Variants in TCF12 observed in about 807,000 individuals in gnomAD.
TCF12 encodes DNA-binding protein HTF4.
A neutral mutation model predicts 86.0 loss-of-function variants in TCF12; 45 were observed. The observed-to-expected ratio is 0.52, with a 90% confidence interval of 0.41 to 0.67. The LOEUF (loss-of-function observed/expected upper bound fraction) is 0.67, where lower values mean the gene tolerates loss of function less well. Among genes scored for constraint, TCF12 ranks in the 30% least tolerant of loss-of-function variants. TCF12 has a pLI of 0.00. For synonymous variants in TCF12, 330 were observed against 299.6 expected (o/e 1.10, Z -1.05); for missense variants, 881 against 859.9 (o/e 1.02, Z -0.31).
chr15:57,172,186 G>T (rs1233748737), intron 6 of TCF12, among the ~76,000 whole-genome samples: 1 of 152,050 alleles, frequency 6.6e-6, no homozygotes, highest in African/African-American at 2.4e-5. Flanking sequence ...GTATCAGAAA[G>T]ACATAACAAT....
At chr15:57,077,735 C>G (rs1197902233) in intron 4 of TCF12, among the ~76,000 whole-genome samples, 3 of 124,864 alleles carry the variant, frequency 2.4e-5, no homozygotes, top group African/African-American at 8.1e-5. Flanking sequence ...CCTGGCGGAT[C>G]TGTAGTTTTT....
At chr15:57,249,454 C>G (rs1158189973) in intron 13 of TCF12, among the ~76,000 whole-genome samples, 1 of 151,064 alleles carries the variant, frequency 6.6e-6, no homozygotes, top group Non-Finnish European at 1.5e-5. Flanking sequence ...TTTTTTCTCA[C>G]AATTTTAGTA....
chr15:56,995,270 G>GC (rs1491182742), intron 3 of TCF12, among the ~76,000 whole-genome samples: 3 of 29,636 alleles, frequency 1.0e-4, no homozygotes, highest in Non-Finnish European at 1.9e-4. Flanking sequence ...GCTTAGGATT[G>GC]CTTTGGCTAT....
intron 3 of TCF12, among the ~76,000 whole-genome samples, chr15:57,049,391 C>G (rs759302776): frequency 6.6e-6 from 1 of 152,194 alleles, no homozygotes; most frequent in Non-Finnish European, 1.5e-5. Context: ...CTTACCTACT[C>G]CAAACAACCA....
intron 3 of TCF12, among the ~76,000 whole-genome samples, chr15:56,959,278 A>G (rs919650123): frequency 2.2e-4 from 33 of 152,240 alleles, no homozygotes; most frequent in African/African-American, 7.5e-4. Flanking sequence ...TGCTACGAAT[A>G]TAATAACCTG....
rs530324190 is a variant in TCF12, at chr15:57,259,394, G to A, written c.1468-2700G>A. 9.2e-5 allele frequency among the ~76,000 whole-genome samples: 14 copies of A among 152,230 alleles called. No homozygotes were observed. In the South Asian group the frequency reaches 1.9e-3, roughly 20 times the overall value. ...TGAATGGTACAAATTATTAGAATAC[G>A]ATTCAAAATCAAGAGGAATTCATGC... On this transcript the variant is annotated intron_variant, in intron 16 of 20. Coordinates refer to ENST00000333725, the MANE Select transcript of TCF12 (RefSeq NM_207037.2).
At chr15:57,038,462 G>C (rs1233828799) in intron 3 of TCF12, among the ~76,000 whole-genome samples, 1 of 135,336 alleles carries the variant, frequency 7.4e-6, no homozygotes, top group African/African-American at 3.2e-5. Flanking sequence ...AGAAGGAAGA[G>C]AGGGAGGGAG....
chr15:57,014,008 A>G (rs1355475691), intron 3 of TCF12, among the ~76,000 whole-genome samples: 4 of 152,192 alleles, frequency 2.6e-5, no homozygotes, highest in Non-Finnish European at 4.4e-5. Context: ...TGGAGAGGAC[A>G]CTACTGTATT....
chr15:57,235,911 C>T lies in TCF12; in HGVS notation c.1035+1804C>T, dbSNP rs1476931601. Among the ~76,000 whole-genome samples, 4 of 152,112 alleles carry T rather than the reference C, an allele frequency of 2.6e-5. No individual in the cohort carries two copies. In the South Asian group the frequency reaches 6.2e-4, roughly 24 times the overall value. ...AAGTTCATTTTGTTACCCTTCACAT[C>T]CTTGAGTATCTTCCCCTGTTATAAA... On this transcript the variant is annotated intron_variant, in intron 12 of 20. Coordinates refer to ENST00000333725, the MANE Select transcript of TCF12 (RefSeq NM_207037.2).
chr15:57,222,015 A>G (rs1469806607), intron 8 of TCF12, among the ~76,000 whole-genome samples: 1 of 152,062 alleles, frequency 6.6e-6, no homozygotes, highest in African/African-American at 2.4e-5. Context: ...TAGAAGTTTA[A>G]TATACTTCTT....
intron 5 of TCF12, among the ~76,000 whole-genome samples, chr15:57,139,774 G>A (rs2052821518): frequency 6.6e-6 from 1 of 152,100 alleles, no homozygotes; most frequent in Non-Finnish European, 1.5e-5. Context: ...CAAGAAAAAA[G>A]TAATAGTACC....
chr15:56,922,210 T>G (rs999020862), intron 3 of TCF12, among the ~76,000 whole-genome samples: 2 of 152,012 alleles, frequency 1.3e-5, no homozygotes, highest in African/African-American at 4.8e-5. Context: ...ACATCTCATT[T>G]TTGCAACTAA....
intron 8 of TCF12, among the ~76,000 whole-genome samples, chr15:57,206,878 C>T (rs1234320596): frequency 6.7e-6 from 1 of 148,622 alleles, no homozygotes; most frequent in Non-Finnish European, 1.5e-5. Context: ...AGTGTTTGAG[C>T]CTAGAAGTTC....
intron 3 of TCF12, among the ~76,000 whole-genome samples, chr15:57,039,372 C>T (rs1429566445): frequency 6.6e-6 from 1 of 152,156 alleles, no homozygotes; most frequent in Non-Finnish European, 1.5e-5. Context: ...ATATTTCAAC[C>T]TCAGTCTTCG....
At chr15:57,092,065 T>C in intron 5 of TCF12, 174 bp downstream of exon 5, 1 of 494,966 alleles carries the variant, frequency 2.0e-6, no homozygotes, top group Non-Finnish European at 3.6e-6. Flanking sequence ...GTCCAGAAAA[T>C]TTGGGGTCTA....
intron 12 of TCF12, among the ~76,000 whole-genome samples, chr15:57,235,464 C>T (rs370208771): frequency 6.6e-6 from 1 of 152,294 alleles, no homozygotes. Flanking sequence ...GCTTCAGACT[C>T]TGCTCCTAAC....
intron 3 of TCF12, among the ~76,000 whole-genome samples, chr15:57,028,822 G>A (rs1198999061): frequency 6.6e-6 from 1 of 151,410 alleles, no homozygotes; most frequent in Non-Finnish European, 1.5e-5. Flanking sequence ...CTTTTTGGAG[G>A]CAGTCTCACT....
chr15:57,195,775 C>T (rs184269158), intron 7 of TCF12, among the ~76,000 whole-genome samples: 8 of 152,222 alleles, frequency 5.3e-5, no homozygotes, highest in South Asian at 2.1e-4. Context: ...AGGCCAAGGC[C>T]GATGATCACT....
intron 3 of TCF12, among the ~76,000 whole-genome samples, chr15:56,998,155 G>C (rs1188870135): frequency 1.3e-5 from 2 of 152,054 alleles, no homozygotes; most frequent in African/African-American, 4.8e-5. Flanking sequence ...ATTACTAATG[G>C]TATAGAATGC....
Sources: allele counts gnomAD v4.1 joint callset (sites outside exome capture counted in the v4.1 genomes callset), GRCh38; gene constraint gnomAD v4.1.1; transcripts MANE v1.5; gene names NCBI Gene and HGNC (gene_info 2026-07-23, HGNC 2026-07-21).